Variants in SCP2 observed in about 807,000 individuals in gnomAD.
The protein encoded by SCP2 is sterol carrier protein 2, also known as SCP-2/3-oxoacyl-CoA thiolase.
In SCP2, 48 loss-of-function variants were observed where a neutral mutation model predicts 71.4. The observed-to-expected ratio is 0.67, with a 90% CI of 0.53 to 0.86. SCP2 has a LOEUF of 0.86. SCP2 is among the 40% of genes least tolerant of loss of function. The pLI, the probability that SCP2 is intolerant of heterozygous loss-of-function variation, is 0.00. For synonymous variants in SCP2, 220 were observed against 218.1 expected (o/e 1.01, Z -0.08); for missense variants, 560 against 655.6 (o/e 0.85, Z 1.59).
chr1:52,950,916 T>C, intron 4 of SCP2, 30 bp downstream of exon 4: 1 of 1,606,284 alleles, frequency 6.2e-7, no homozygotes, highest in Non-Finnish European at 8.5e-7. Context: ...TGTACTTAAA[T>C]ATTGCCCCAT....
At chr1:52,981,307 T>G (rs940839695) in intron 10 of SCP2, among the ~76,000 whole-genome samples, 1 of 152,230 alleles carries the variant, frequency 6.6e-6, no homozygotes, top group Non-Finnish European at 1.5e-5. Context: ...GTGCTGATAA[T>G]GACAGCCACT....
At position 52,995,823 on chromosome 1, in the gene SCP2, T is replaced by C. The variant is rs573155447; in HGVS notation, c.1081+7687T>C. The C allele has an allele frequency of 8.0e-6, 8 of 998,506 alleles. No individual in the cohort carries two copies. In the East Asian group the frequency reaches 9.5e-5, roughly 12 times the overall value. 61.9% of individuals were successfully genotyped at this position (998,506 alleles called of 1,614,324 possible). On this transcript the variant is annotated intron_variant, in intron 11 of 15. Transcript: ENST00000371514. ...AGCAGCACGGCCATCCAGGAGCTCT[T>C]CAGGTGCATCTTGGAGCAGTTCACT...
chr1:53,017,821 A>G (rs1267778045), intron 12 of SCP2, among the ~76,000 whole-genome samples: 1 of 152,182 alleles, frequency 6.6e-6, no homozygotes, highest in Non-Finnish European at 1.5e-5. Context: ...TTGGAGTAGT[A>G]GCATTGCAGG....
intron 10 of SCP2, among the ~76,000 whole-genome samples, chr1:52,983,184 T>C (rs1050672794): frequency 1.4e-4 from 22 of 152,240 alleles, no homozygotes; most frequent in Non-Finnish European, 5.9e-5. Context: ...CCATAGTTTC[T>C]AACGAGGAGT....
intron 10 of SCP2, among the ~76,000 whole-genome samples, chr1:52,987,437 C>T (rs1321892977): frequency 6.6e-6 from 1 of 152,168 alleles, no homozygotes; most frequent in Non-Finnish European, 1.5e-5. Context: ...TTATACAATA[C>T]ATCCATTTTT....
In SCP2 at chr1:52,950,835, T is replaced by C; in HGVS notation, c.280T>C (p.Cys94Arg). 4 of 1,614,074 alleles carry C rather than the reference T, an allele frequency of 2.5e-6. No individual in the cohort carries two copies. The highest frequency in any genetic ancestry group is 3.4e-6 in the Non-Finnish European group (4 of 1,179,918). ...GIPIINVNNN[C>R]ATGSTALFMA... is the part of the protein sequence containing the mutation. ...TCCTATAATCAATGTCAACAATAAC[T>C]GTGCTACTGGTTCTACTGCTTTGTT... Residue 94 changes from cysteine (C) to arginine (R), a missense_variant, in exon 4 of 16, where the codon TGT becomes CGT. Coordinates refer to ENST00000371514, the MANE Select transcript of SCP2 (RefSeq NM_002979.5).
At chr1:53,022,270 G>T (rs576006123) in intron 12 of SCP2, among the ~76,000 whole-genome samples, 65 of 152,206 alleles carry the variant, frequency 4.3e-4, no homozygotes, top group Non-Finnish European at 4.9e-4. Context: ...GCATAATGTT[G>T]TCAAGATTCA....
chr1:52,955,126 A>G (rs1655678690), intron 5 of SCP2, among the ~76,000 whole-genome samples: 1 of 152,242 alleles, frequency 6.6e-6, no homozygotes, highest in Non-Finnish European at 1.5e-5. Flanking sequence ...GATTCTGGTA[A>G]TGGCAAGCCA....
At chr1:53,025,367 A>G (rs77368772) in intron 12 of SCP2, among the ~76,000 whole-genome samples, 20,861 of 152,142 alleles carry the variant, frequency 0.14, 2,036 homozygotes, top group East Asian at 0.33. Context: ...AGGGATTTAA[A>G]TGCTTTCACT....
intron 14 of SCP2, among the ~76,000 whole-genome samples, chr1:53,046,270 C>A (rs996693101): frequency 1.3e-5 from 2 of 149,392 alleles, no homozygotes; most frequent in African/African-American, 4.9e-5. Flanking sequence ...ATTTTACAGT[C>A]TTTCTGGTAT....
chr1:52,927,884 C>A (rs569092138), intron 1 of SCP2, among the ~76,000 whole-genome samples: 12 of 152,272 alleles, frequency 7.9e-5, no homozygotes, highest in Non-Finnish European at 1.3e-4. Flanking sequence ...CTCCTGATGC[C>A]CAGCGCCTCG....
intron 11 of SCP2, chr1:52,993,107 C>A (rs1659643187): frequency 7.1e-7 from 1 of 1,417,698 alleles, no homozygotes; most frequent in Non-Finnish European, 1.0e-6. Flanking sequence ...TTGTCTAAGG[C>A]TAGAAAGGTA....
Position 52,961,584 on chromosome 1 carries a change from C to T in SCP2, c.478C>T (p.Pro160Ser). Residue 160 changes from proline to serine, a missense_variant, in exon 6 of 16, where the codon CCT becomes TCT. This residue lies in a region of SCP2 where 513 missense variants were observed against 573.1 expected (regional missense o/e 0.90). Transcript: ENST00000371514. ...TGGATTGTCTGCTCACCCAGTTGCT[C>T]CTCAGATGTTTGGGTATGCTGGAAA... ...KYGLSAHPVA[P>S]QMFGYAGKEH... 1 of 1,613,730 alleles carries T rather than the reference C, an allele frequency of 6.2e-7. No individual in the cohort carries two copies. The highest frequency in any genetic ancestry group is 1.3e-5 in the African/African-American group (1 of 75,008).
chr1:52,987,006 A>ATATATATT (rs1386745740), intron 10 of SCP2, among the ~76,000 whole-genome samples: 15 of 110,498 alleles, frequency 1.4e-4, no homozygotes, highest in African/African-American at 6.0e-4. Flanking sequence ...ATATATATAT[A>ATATATATT]TTTTTTTTTT....
intron 13 of SCP2, among the ~76,000 whole-genome samples, chr1:53,031,831 G>A (rs1255835112): frequency 6.6e-6 from 1 of 152,212 alleles, no homozygotes; most frequent in Non-Finnish European, 1.5e-5. Flanking sequence ...ATTTTAAGGA[G>A]GTGGGAGGAG....
Position 52,993,641 on chromosome 1 carries a change from A to G in SCP2, c.1081+5505A>G, listed in dbSNP as rs555499713. On this transcript the variant is annotated intron_variant, in intron 11 of 15. Coordinates refer to ENST00000371514, the MANE Select transcript of SCP2 (RefSeq NM_002979.5). ...ATCTAGCCGGGCTGCTCTGTCATCTATCACACACTGCTTTGTGTAAGAATC... is the reference window on the plus strand; with the variant it reads ...ATCTAGCCGGGCTGCTCTGTCATCTGTCACACACTGCTTTGTGTAAGAATC... The G allele has an allele frequency of 4.3e-6, 7 of 1,612,414 alleles. No individual in the cohort carries two copies. The East Asian group carries it at 6.7e-5, about 15-fold the overall frequency.
intron 14 of SCP2, among the ~76,000 whole-genome samples, chr1:53,043,329 A>G (rs1663563092): frequency 1.3e-5 from 2 of 152,346 alleles, no homozygotes; most frequent in Non-Finnish European, 2.9e-5. Context: ...TCCTCCCCAG[A>G]CCATATGTTA....
chr1:52,939,238 A>G (rs1032415605), intron 1 of SCP2, among the ~76,000 whole-genome samples: 1 of 152,182 alleles, frequency 6.6e-6, no homozygotes, highest in Non-Finnish European at 1.5e-5. Flanking sequence ...ACAGTTATGA[A>G]TAAAGCTAGT....
chr1:52,995,496 A>G (rs879006681), intron 11 of SCP2: 3 of 436,464 alleles, frequency 6.9e-6, no homozygotes, highest in South Asian at 4.0e-5. Flanking sequence ...TGCCCTTACC[A>G]CATCTCCACT....
Sources: allele counts gnomAD v4.1 joint callset (sites outside exome capture counted in the v4.1 genomes callset), GRCh38; gene constraint gnomAD v4.1.1; regional missense constraint gnomAD v4.1.1; transcripts MANE v1.5; gene names NCBI Gene and HGNC (gene_info 2026-07-23, HGNC 2026-07-21).